ZBTB46: variants seen among roughly 807,000 people sequenced by gnomAD.
ZBTB46 encodes zinc finger and BTB domain containing 46.
In ZBTB46, 8 loss-of-function variants were observed where a neutral mutation model predicts 44.1. The observed-to-expected ratio is 0.18, with a 90% CI of 0.11 to 0.33. The LOEUF (loss-of-function observed/expected upper bound fraction) is 0.33, where lower values mean the gene tolerates loss of function less well. Among genes scored for constraint, ZBTB46 ranks in the 10% least tolerant of loss-of-function variants. The pLI is 1.00. For synonymous variants in ZBTB46, 409 were observed against 382.3 expected, an observed-to-expected ratio of 1.07 and a Z score of -0.81; for missense variants, 651 against 847.7, an observed-to-expected ratio of 0.77 and a Z score of 2.88.
Position 63,790,861 on chromosome 20 carries a change from C to T in ZBTB46, c.-33-71G>A, listed in dbSNP as rs574998620. ...GGCCGTGAGAGGACGCCGGGCGGGG[C>T]GCAGGAGGGCCATGGGGCACAGAGT... On this transcript the variant is annotated intron_variant, in intron 1 of 4. Transcript: ENST00000245663. 37 of 1,448,320 alleles carry T rather than the reference C, an allele frequency of 2.6e-5. No homozygotes were observed. The East Asian group carries it at 3.5e-4, about 14-fold the overall frequency. The allele number at this position is 1,448,320 out of a possible 1,614,324, so 89.7% of individuals were successfully genotyped here. A position where few individuals can be genotyped will look rare whatever the true frequency, so the allele number is the denominator to read the frequency against.
chr20:63,774,183 A>G (rs1252867313), intron 3 of ZBTB46, among the ~76,000 whole-genome samples: 1 of 150,498 alleles, frequency 6.6e-6, no homozygotes, highest in Non-Finnish European at 1.5e-5. Flanking sequence ...CAGGGCCAAG[A>G]CCCTTCGACG....
At chr20:63,818,018 G>A (rs1480119736) in intron 1 of ZBTB46, among the ~76,000 whole-genome samples, 4 of 152,314 alleles carry the variant, frequency 2.6e-5, no homozygotes, top group African/African-American at 7.2e-5. Flanking sequence ...CCAGGAACTC[G>A]CCCAAACAGC....
rs767892292 is a variant in ZBTB46 at position 63,775,720 on chromosome 20, G to A, written c.1180C>T (p.Leu394=). The change falls in exon 3 of 5, where the codon CTG becomes TTG. Residue 394 remains leucine (L), a synonymous_variant. Transcript: ENST00000245663. Reference sequence around the variant, plus strand: ...CCTCTGGGCAGGTACTCGAACAGCAGGGAGCCGTCATCCCCCAGCACGTCG... The same window carrying A: ...CCTCTGGGCAGGTACTCGAACAGCAAGGAGCCGTCATCCCCCAGCACGTCG... ...KADVLGDDGS[L]LFEYLPRGAH... 6 of 1,607,288 alleles carry A rather than the reference G, an allele frequency of 3.7e-6. No homozygotes were observed. Among genetic ancestry groups the A allele is most frequent in the Non-Finnish European group, 5.1e-6 (6 of 1,176,302 alleles).
chr20:63,768,618 A>G (rs1374964740), intron 3 of ZBTB46, among the ~76,000 whole-genome samples: 2 of 152,184 alleles, frequency 1.3e-5, no homozygotes, highest in Non-Finnish European at 2.9e-5. Flanking sequence ...AAAGAAAAAA[A>G]AAAAAAGTGG....
Position 63,745,460 on chromosome 20 carries a change from A to G in ZBTB46, c.*1470T>C, listed in dbSNP as rs1323857412. On this transcript the variant is annotated 3_prime_UTR_variant, in exon 5 of 5. Coordinates refer to ENST00000245663, the MANE Select transcript of ZBTB46 (RefSeq NM_001369741.1). Reference sequence around the variant, plus strand: ...CAGCGGTCAGGGAAGCTGGTGCTCTACCTGACAATGTGGGGAAAAGCCTGG... The same window carrying G: ...CAGCGGTCAGGGAAGCTGGTGCTCTGCCTGACAATGTGGGGAAAAGCCTGG... 3 of 152,268 alleles carry G rather than the reference A, an allele frequency of 2.0e-5. No individual in the cohort carries two copies. Among genetic ancestry groups the G allele is most frequent in the Non-Finnish European group, 4.4e-5 (3 of 68,082 alleles). 9.4% of individuals were successfully genotyped at this position (152,268 alleles called of 1,614,324 possible). A position where few individuals can be genotyped will look rare whatever the true frequency, so the allele number is the denominator to read the frequency against.
intron 1 of ZBTB46, among the ~76,000 whole-genome samples, chr20:63,827,274 C>T (rs1006126362): frequency 3.3e-5 from 5 of 152,202 alleles, no homozygotes; most frequent in African/African-American, 4.8e-5. Context: ...AATAGGAAAC[C>T]CCGAGTGTCT....
At chr20:63,813,294 C>T (rs189729635) in intron 1 of ZBTB46, among the ~76,000 whole-genome samples, 1 of 150,302 alleles carries the variant, frequency 6.7e-6, no homozygotes, top group South Asian at 2.1e-4. Flanking sequence ...ACTAAAAATA[C>T]AAAAATTAGC....
In ZBTB46 at chr20:63,752,422, G is replaced by T. The variant is rs1330266153; in HGVS notation, c.1398+264C>A. On this transcript the variant is annotated intron_variant, in intron 4 of 4. Transcript: ENST00000245663. The surrounding 1 kb of genome is among the most constrained non-coding windows in gnomAD (Gnocchi z 5.6). ...GCTCCAAGCAGAGCGAGCTGAGTTT[G>T]CCGAGGCCTGGCTGCCTTGGCGGCC... Among the ~76,000 whole-genome samples, 1 of 152,062 alleles carries T rather than the reference G, an allele frequency of 6.6e-6. No homozygotes were observed. Among genetic ancestry groups the T allele is most frequent in the Non-Finnish European group, 1.5e-5 (1 of 67,992 alleles).
chr20:63,773,104 C>CGAG (rs2092390989), intron 3 of ZBTB46, among the ~76,000 whole-genome samples: 1 of 152,192 alleles, frequency 6.6e-6, no homozygotes, highest in Non-Finnish European at 1.5e-5. Flanking sequence ...GCCGTGCCCT[C>CGAG]CGACCCCATC....
At chr20:63,804,194 C>G (rs2092667161) in intron 1 of ZBTB46, among the ~76,000 whole-genome samples, 1 of 152,188 alleles carries the variant, frequency 6.6e-6, no homozygotes, top group South Asian at 2.1e-4. Flanking sequence ...CAGCTCCAGC[C>G]AGGTGCCCAC....
intron 2 of ZBTB46, among the ~76,000 whole-genome samples, chr20:63,783,038 G>A (rs944135784): frequency 2.6e-5 from 4 of 152,176 alleles, no homozygotes; most frequent in African/African-American, 7.2e-5. Context: ...GCTGAGGTGG[G>A]AGGATCACCT....
At chr20:63,747,543 GGT>G (rs1307199378) in intron 4 of ZBTB46, among the ~76,000 whole-genome samples, 2 of 114,360 alleles carry the variant, frequency 1.7e-5, no homozygotes, top group South Asian at 3.4e-4. Context: ...GGGTGGGGGG[GGT>G]GCGGGGGTGA....
At chr20:63,820,615 A>G (rs1465265681) in intron 1 of ZBTB46, among the ~76,000 whole-genome samples, 1 of 149,882 alleles carries the variant, frequency 6.7e-6, no homozygotes, top group African/African-American at 2.5e-5. Context: ...AATGTTTGGT[A>G]GAGACCGGGT....
intron 2 of ZBTB46, among the ~76,000 whole-genome samples, chr20:63,782,169 T>C (rs535708578): frequency 6.8e-6 from 1 of 147,608 alleles, no homozygotes; most frequent in African/African-American, 2.5e-5. Context: ...GGTGAGCCAA[T>C]GACTCCTGCA....
chr20:63,829,414 C>T (rs1443606390), intron 1 of ZBTB46, among the ~76,000 whole-genome samples: 1 of 152,260 alleles, frequency 6.6e-6, no homozygotes, highest in African/African-American at 2.4e-5. Context: ...GGCCTGAAGG[C>T]AAGGCGGAAT....
chr20:63,750,724 G>T (rs2092152129), intron 4 of ZBTB46, among the ~76,000 whole-genome samples: 3 of 152,092 alleles, frequency 2.0e-5, no homozygotes, highest in Admixed American at 2.0e-4. Context: ...GGGCAACACA[G>T]CGAAATCCCA....
At chr20:63,824,179 C>T (rs1416321511) in intron 1 of ZBTB46, among the ~76,000 whole-genome samples, 2 of 152,140 alleles carry the variant, frequency 1.3e-5, no homozygotes, top group South Asian at 4.2e-4. Context: ...TGGGAAATTC[C>T]GAGTCTTGTG....
rs184991453 is a variant in ZBTB46 at position 63,807,770 on chromosome 20, T to C, written c.-33-16980A>G. Among the ~76,000 whole-genome samples the C allele has an allele frequency of 8.6e-4, 131 of 152,382 alleles. 2 individuals are homozygous for C. In the East Asian group the frequency reaches 0.019, roughly 22 times the overall value. On this transcript the variant is annotated intron_variant, in intron 1 of 4. Transcript: ENST00000245663. ...CCAAAACAAGCGAAGCACCCGTCTG[T>C]GTGAGGCAGCGGGTCTGGCTTACAG...
At chr20:63,833,664 C>T (rs1055485368), upstream of ZBTB46, among the ~76,000 whole-genome samples, 5 of 152,284 alleles carry the variant, frequency 3.3e-5, no homozygotes, top group East Asian at 7.7e-4. Context: ...CCCCTCTCAC[C>T]TGGGAGCCCC....
Sources: allele counts gnomAD v4.1 joint callset (sites outside exome capture counted in the v4.1 genomes callset), GRCh38; gene constraint gnomAD v4.1.1; non-coding constraint Gnocchi (gnomAD v3.1); transcripts MANE v1.5; gene names NCBI Gene and HGNC (gene_info 2026-07-23, HGNC 2026-07-21).